Variants in UBN2 observed in about 807,000 individuals in gnomAD.
The protein encoded by UBN2 is ubinuclein 2, also known as ubinuclein-2.
In UBN2, 35 loss-of-function variants were observed where a neutral mutation model predicts 120.2. The ratio of observed to expected loss-of-function variants is 0.29; its 90% CI spans 0.22 to 0.39. The LOEUF is 0.39. UBN2 is among the 10% of genes least tolerant of loss of function. The pLI is 1.00. For synonymous variants in UBN2, 661 were observed against 648.7 expected, an observed-to-expected ratio of 1.02 and a Z score of -0.29; for missense variants, 1,693 against 1,663.2, an observed-to-expected ratio of 1.02 and a Z score of -0.31.
chr7:139,249,020 G>A (rs1584993041), intron 2 of UBN2, among the ~76,000 whole-genome samples: 1 of 152,034 alleles, frequency 6.6e-6, no homozygotes. Flanking sequence ...CTGTGTGTGT[G>A]TGTGTGTGTG....
At chr7:139,286,987 A>G (rs1020388124) in intron 15 of UBN2, among the ~76,000 whole-genome samples, 3 of 152,210 alleles carry the variant, frequency 2.0e-5, no homozygotes, top group Non-Finnish European at 4.4e-5. Flanking sequence ...TCTAGGATTA[A>G]CTGATGTTTT....
At chr7:139,297,329 C>A in intron 17 of UBN2, among the ~76,000 whole-genome samples, 1 of 149,956 alleles carries the variant, frequency 6.7e-6, no homozygotes, top group African/African-American at 2.5e-5. Context: ...TTTGTTTACA[C>A]AAATAATCAG....
intron 3 of UBN2, among the ~76,000 whole-genome samples, chr7:139,256,211 G>A (rs371582432): frequency 1.3e-5 from 2 of 152,308 alleles, no homozygotes; most frequent in East Asian, 3.9e-4. Context: ...CATCAGAATT[G>A]CCCTGTATAC....
chr7:139,297,146 A>G (rs1201282462), intron 17 of UBN2, among the ~76,000 whole-genome samples: 2 of 150,788 alleles, frequency 1.3e-5, no homozygotes, highest in Non-Finnish European at 2.9e-5. Flanking sequence ...GTGAGCTGAG[A>G]TCGCGCCATT....
At chr7:139,291,360 C>CAAAA (rs774759708) in intron 15 of UBN2, among the ~76,000 whole-genome samples, 5 of 43,338 alleles carry the variant, frequency 1.2e-4, no homozygotes, top group Non-Finnish European at 1.0e-4. Context: ...GACTCTGTCT[C>CAAAA]AAAAAAAAAA....
the UBN2 span, among the ~76,000 whole-genome samples, chr7:139,314,048 A>G: frequency 2.0e-5 from 3 of 150,386 alleles, no homozygotes; most frequent in Non-Finnish European, 3.0e-5. Context: ...GGGTTTCACC[A>G]TGTTGGTCAG....
intron 3 of UBN2, among the ~76,000 whole-genome samples, chr7:139,253,733 G>T (rs1451886417): frequency 6.6e-6 from 1 of 152,196 alleles, no homozygotes; most frequent in Non-Finnish European, 1.5e-5. Flanking sequence ...CAGTAGAGAA[G>T]GTGTATGTTC....
intron 6 of UBN2, 95 bp from the exon 7 acceptor site, chr7:139,266,226 CAAAAAAAAAAAA>C: frequency 2.9e-6 from 1 of 342,958 alleles, no homozygotes; most frequent in South Asian, 2.9e-5. Context: ...GGCCCTATCT[CAAAAAAAAAAAA>C]AAAAAAAGAA....
In UBN2 at chr7:139,238,152, T is replaced by G. The variant is rs1180203347; in HGVS notation, c.561+1055T>G. On this transcript the variant is annotated intron_variant, in intron 2 of 17. Coordinates refer to ENST00000473989, the MANE Select transcript of UBN2 (RefSeq NM_173569.4). The stretch of plus-strand genomic sequence containing the variant: ...ATAACCCAGTTGAGAAGCAACACCT[T>G]ACCCCTCTGATTCCTCTGTGAGCAT... Among the ~76,000 whole-genome samples, 4 of 152,180 alleles carry G rather than the reference T, an allele frequency of 2.6e-5. No individual in the cohort carries two copies. In the East Asian group the frequency reaches 7.7e-4, roughly 29 times the overall value.
rs535664975 is a variant in UBN2 at position 139,231,903 on chromosome 7, G to C, written c.419G>C (p.Ser140Thr). ...ELVLKDPTDE[S>T]CVEFSYPELL... ...GTGCTTAAGGACCCCACCGACGAGA[G>C]CTGCGTGGAGTTCAGTTACCCGGAG... The change falls in exon 1 of 18, where the codon AGC becomes ACC. Residue 140 changes from serine (S) to threonine (T), a missense_variant. Around this residue, in one of 5 missense-constraint regions of UBN2, gnomAD observed 663 missense variants for 591.2 expected, o/e 1.12. Transcript: ENST00000473989. 6.3e-7 allele frequency: 1 copy of C among 1,588,744 alleles called. No individual in the cohort carries two copies. Among genetic ancestry groups the C allele is most frequent in the South Asian group, 1.1e-5 (1 of 90,796 alleles).
chr7:139,291,854 T>TA (rs529111316), intron 15 of UBN2, among the ~76,000 whole-genome samples: 1 of 151,656 alleles, frequency 6.6e-6, no homozygotes, highest in East Asian at 1.9e-4. Flanking sequence ...ACCCCGTCTC[T>TA]AAAAAAAATA....
At position 139,283,529 on chromosome 7, in the gene UBN2, G is replaced by A. The variant is rs1797677499; in HGVS notation, c.2624G>A (p.Arg875Lys). 3 of 1,614,024 alleles carry A rather than the reference G, an allele frequency of 1.9e-6. No individual in the cohort carries two copies. Among genetic ancestry groups the A allele is most frequent in the Non-Finnish European group, 2.5e-6 (3 of 1,180,040 alleles). The change falls in exon 15 of 18, where the codon AGG becomes AAG. Residue 875 changes from arginine to lysine, a missense_variant. Arg to Lys is a conservative substitution (Grantham distance 26, BLOSUM62 2). Around this residue, in one of 5 missense-constraint regions of UBN2, gnomAD observed 837 missense variants for 817.6 expected, o/e 1.02. Coordinates refer to ENST00000473989, the MANE Select transcript of UBN2 (RefSeq NM_173569.4). ...GTTTCTTTAGAACCTTTGCCAGCCA[G>A]GCTACTTCAACAAGGACTTCAGAGG... ...PKVSLEPLPARLLQQGLQRSS... is the reference protein window; with the variant it reads ...PKVSLEPLPAKLLQQGLQRSS...
chr7:139,279,405 G>T (rs1797537104), intron 13 of UBN2, 45 bp downstream of exon 13: 1 of 1,438,976 alleles, frequency 6.9e-7, no homozygotes, highest in Non-Finnish European at 9.7e-7. Flanking sequence ...GTTGGTGAAT[G>T]TTGAAATACA....
At chr7:139,236,226 C>T (rs926285654) in intron 1 of UBN2, among the ~76,000 whole-genome samples, 19 of 151,860 alleles carry the variant, frequency 1.3e-4, no homozygotes, top group Non-Finnish European at 4.4e-5. Context: ...TGTGTTAAAC[C>T]ATGTATTATA....
chr7:139,246,505 T>A (rs1038716062), intron 2 of UBN2, among the ~76,000 whole-genome samples: 2 of 152,206 alleles, frequency 1.3e-5, no homozygotes, highest in East Asian at 3.8e-4. Flanking sequence ...CAAAGATTTA[T>A]GGGGAGAGAC....
At position 139,293,263 on chromosome 7, in the gene UBN2, C is replaced by T; in HGVS notation, c.3701C>T (p.Ala1234Val). Residue 1234 changes from alanine to valine, a missense_variant, in exon 16 of 18, where the codon GCC becomes GTC. By Grantham distance (64) the Ala-to-Val change is moderately conservative. This residue lies in a region of UBN2 where 837 missense variants were observed against 817.6 expected (regional missense o/e 1.02). Transcript: ENST00000473989. ...GCAGGAGCATCATTATTGGCTAATG[C>T]CTCACCTCTGACTCTCATGACATCA... ...STAGASLLAN[A>V]SPLTLMTSPL... 3 of 1,614,202 alleles carry T rather than the reference C, an allele frequency of 1.9e-6. No individual in the cohort carries two copies. Among genetic ancestry groups the T allele is most frequent in the East Asian group, 2.2e-5 (1 of 44,896 alleles).
In UBN2 at chr7:139,268,522, C is replaced by G. The variant is rs977706238; in HGVS notation, c.1467-872C>G. 2.0e-5 allele frequency among the ~76,000 whole-genome samples: 3 copies of G among 152,182 alleles called. 1 individual carries two copies. Among genetic ancestry groups the G allele is most frequent in the African/African-American group, 7.2e-5 (3 of 41,438 alleles). Reference sequence around the variant, plus strand: ...CAATTTGTTGGAATAGGGAACCCCCCCTTTTTTTCCTGATTGAATTTGACC... The same window carrying G: ...CAATTTGTTGGAATAGGGAACCCCCGCTTTTTTTCCTGATTGAATTTGACC... On this transcript the variant is annotated intron_variant, in intron 7 of 17. Coordinates refer to ENST00000473989, the MANE Select transcript of UBN2 (RefSeq NM_173569.4).
chr7:139,286,657 C>T (rs1272344965), intron 15 of UBN2, among the ~76,000 whole-genome samples: 2 of 151,770 alleles, frequency 1.3e-5, no homozygotes, highest in East Asian at 3.9e-4. Context: ...AAAAAAAATA[C>T]CATTTTATGA....
At chr7:139,259,444 A>G (rs1252452408) in intron 5 of UBN2, 74 bp downstream of exon 5, 1 of 1,560,610 alleles carries the variant, frequency 6.4e-7, no homozygotes, top group Non-Finnish European at 8.7e-7. Flanking sequence ...AGATATACTT[A>G]CCATTAACTA....
Sources: allele counts gnomAD v4.1 joint callset (sites outside exome capture counted in the v4.1 genomes callset), GRCh38; gene constraint gnomAD v4.1.1; regional missense constraint gnomAD v4.1.1; transcripts MANE v1.5; gene names NCBI Gene and HGNC (gene_info 2026-07-23, HGNC 2026-07-21).